Variants in CNTFR observed in about 807,000 individuals in gnomAD.
CNTFR encodes the protein ciliary neurotrophic factor receptor, also known as ciliary neurotrophic factor receptor subunit alpha.
CNTFR carries 12 observed loss-of-function variants against 40.4 expected under a neutral mutation model. The observed-to-expected ratio is 0.30, with a 90% CI of 0.19 to 0.48. CNTFR has a LOEUF of 0.48. Ranked by LOEUF, CNTFR falls within the 20% of genes least tolerant of loss-of-function variation. The pLI, the probability that CNTFR is intolerant of heterozygous loss-of-function variation, is 0.99. For missense variants in CNTFR, 414 were observed against 506.8 expected, an observed-to-expected ratio of 0.82 and a Z score of 1.76; for synonymous variants, 202 against 209.6, an observed-to-expected ratio of 0.96 and a Z score of 0.31.
rs763695419 is a variant in CNTFR at position 34,552,186 on chromosome 9, C to T, written c.1093G>A (p.Ala365Thr). 13 of 1,592,956 alleles carry T rather than the reference C, an allele frequency of 8.2e-6. No homozygotes were observed. Among genetic ancestry groups the T allele is most frequent in the African/African-American group, 8.0e-5 (6 of 74,612 alleles). Reference sequence around the variant, plus strand: ...CAGATCAAGAGACTGCTGGCAGTGGCGGCAGCGGCAGCCAGGGCCAGAGTG... The same window carrying T: ...CAGATCAAGAGACTGCTGGCAGTGGTGGCAGCGGCAGCCAGGGCCAGAGTG... ...PITLALAAAA[A>T]TASSLLI The change falls in exon 9 of 10, where the codon GCC becomes ACC. Residue 365 changes from alanine to threonine, a missense_variant. By Grantham distance (58) the Ala-to-Thr change is moderately conservative. Around this residue, in one of 3 missense-constraint regions of CNTFR, gnomAD observed 81 missense variants for 92.2 expected, o/e 0.88. Coordinates refer to ENST00000378980, the MANE Select transcript of CNTFR (RefSeq NM_147164.3). This position sits in a 1 kb window ranked among gnomAD's most constrained non-coding sequence, Gnocchi z 5.1.
chr9:34,583,303 T>G (rs1410721712), intron 1 of CNTFR, among the ~76,000 whole-genome samples: 1 of 152,250 alleles, frequency 6.6e-6, no homozygotes, highest in African/African-American at 2.4e-5. Context: ...TCAGAACTTT[T>G]CCACTGCATG....
chr9:34,569,053 T>A, intron 2 of CNTFR, 72 bp from the exon 3 acceptor site: 1 of 1,403,616 alleles, frequency 7.1e-7, no homozygotes. Context: ...GAGCCCCTCC[T>A]GTTCTCAGGC....
In CNTFR at chr9:34,556,326, G is replaced by T; in HGVS notation, c.697C>A (p.Pro233Thr). The change falls in exon 7 of 10, where the codon CCT becomes ACT. Residue 233 changes from proline to threonine, a missense_variant. Coordinates refer to ENST00000378980, the MANE Select transcript of CNTFR (RefSeq NM_147164.3). ...EVTWQTPSTW[P>T]DPESFPLKFF... ...TTGAGAGGAAAAGACTCAGGGTCAG[G>T]CCAGGTCGAGGGGGTCTGCCACGTC... 1 of 1,613,970 alleles carries T rather than the reference G, an allele frequency of 6.2e-7. No individual in the cohort carries two copies.
intron 4 of CNTFR, among the ~76,000 whole-genome samples, chr9:34,563,014 T>C (rs2132153940): frequency 6.6e-6 from 1 of 152,082 alleles, no homozygotes; most frequent in South Asian, 2.1e-4. Context: ...CTCCATGATC[T>C]CTCCCTTGGC....
At chr9:34,572,993 C>T (rs72735298) in intron 2 of CNTFR, among the ~76,000 whole-genome samples, 3,594 of 152,330 alleles carry the variant, frequency 0.024, 60 homozygotes, top group Admixed American at 0.032. Flanking sequence ...TACTAGTCCA[C>T]AGCAATACTG....
chr9:34,586,074 G>A (rs1039656213), intron 1 of CNTFR, among the ~76,000 whole-genome samples: 5 of 152,164 alleles, frequency 3.3e-5, no homozygotes, highest in African/African-American at 1.2e-4. Context: ...TCCCTACTGT[G>A]TGGGCTCCCA....
intron 7 of CNTFR, among the ~76,000 whole-genome samples, chr9:34,554,908 C>T (rs1020324952): frequency 1.3e-5 from 2 of 152,256 alleles, no homozygotes; most frequent in South Asian, 4.1e-4. Context: ...GGATGCACTA[C>T]AGGCCACGCA....
chr9:34,589,816 G>A (rs1422241118), upstream of CNTFR: 2 of 141,374 alleles, frequency 1.4e-5, no homozygotes, highest in Admixed American at 7.0e-5. The surrounding 1 kb of genome is among the most constrained non-coding windows in gnomAD (Gnocchi z 4.4). Context: ...ATGTGACCGC[G>A]GGCGCCCGCT....
upstream of CNTFR, chr9:34,589,743 G>C (rs563967259): frequency 2.0e-5 from 3 of 151,302 alleles, no homozygotes; most frequent in South Asian, 1.8e-4. This position sits in a 1 kb window ranked among gnomAD's most constrained non-coding sequence, Gnocchi z 4.4. Flanking sequence ...TTCAGCGCTC[G>C]GCGGCTTTAA....
In CNTFR at chr9:34,589,633, T is replaced by C. The variant is rs1486340643; in HGVS notation, c.-190A>G. The stretch of plus-strand genomic sequence containing the variant: ...GCGAGCGAGGCAGGGAGCGCGGAGC[T>C]AGCACCGCCCGCCGGATCCCACCGC... On this transcript the variant is annotated 5_prime_UTR_variant, in exon 1 of 10. Coordinates refer to ENST00000378980, the MANE Select transcript of CNTFR (RefSeq NM_147164.3). This position sits in a 1 kb window ranked among gnomAD's most constrained non-coding sequence, Gnocchi z 4.4. 1 of 153,496 alleles carries C rather than the reference T, an allele frequency of 6.5e-6. No homozygotes were observed. Among genetic ancestry groups the C allele is most frequent in the Non-Finnish European group, 1.4e-5 (1 of 69,600 alleles). The allele number at this position is 153,496 out of a possible 1,614,324, so 9.5% of individuals were successfully genotyped here.
chr9:34,582,091 T>C lies in CNTFR; in HGVS notation c.-111-886A>G, dbSNP rs149718970. ...GAGTTCCAGACTAGCCTGGGCAACA[T>C]AGTGAAACCCCATCTCTACCAAAAA... On this transcript the variant is annotated intron_variant, in intron 1 of 9. Transcript: ENST00000378980. Among the ~76,000 whole-genome samples, 704 of 152,080 alleles carry C rather than the reference T, an allele frequency of 4.6e-3. 4 individuals are homozygous for C. Among genetic ancestry groups the C allele is most frequent in the African/African-American group, 0.016 (646 of 41,456 alleles).
At position 34,557,107 on chromosome 9, in the gene CNTFR, G is replaced by A. The variant is rs910525325; in HGVS notation, c.604+419C>T. 7.1e-6 allele frequency among the ~76,000 whole-genome samples: 1 copy of A among 141,054 alleles called. No individual in the cohort carries two copies. The highest frequency in any genetic ancestry group is 1.5e-5 in the Non-Finnish European group (1 of 64,664). 92.5% of individuals were successfully genotyped at this position (141,054 alleles called of 152,430 possible). On this transcript the variant is annotated intron_variant, in intron 6 of 9. Transcript: ENST00000378980. The surrounding 1 kb of genome is among the most constrained non-coding windows in gnomAD (Gnocchi z 4.2). The stretch of plus-strand genomic sequence containing the variant: ...AGAGGGTCTGGCTGGGATGGGGGGG[G>A]TCAGGGGGAGGGCAGTATCTGTCCC...
Position 34,568,982 on chromosome 9 carries a change from CTG to C in CNTFR, c.1-3_1-2del. The C allele has an allele frequency of 6.3e-7, 1 of 1,589,994 alleles. No individual in the cohort carries two copies. The highest frequency in any genetic ancestry group is 8.6e-7 in the Non-Finnish European group (1 of 1,168,450). On this transcript the variant is annotated splice_acceptor_variant and splice_polypyrimidine_tract_variant and intron_variant, in intron 2 of 9. Coordinates refer to ENST00000378980, the MANE Select transcript of CNTFR (RefSeq NM_147164.3). LOFTEE classifies it low-confidence loss of function (5UTR_SPLICE). ...AGGCCCACGGGACAGGAGCAGCCATCTGTTGGGAGAAACCGGGGTGGGGGAGG... is the reference window on the plus strand; with the variant it reads ...AGGCCCACGGGACAGGAGCAGCCATCTTGGGAGAAACCGGGGTGGGGGAGG...
At chr9:34,558,483 T>G (rs1192047467) in intron 4 of CNTFR, among the ~76,000 whole-genome samples, 1 of 152,198 alleles carries the variant, frequency 6.6e-6, no homozygotes, top group East Asian at 1.9e-4. Flanking sequence ...GCCTGGTGGC[T>G]ACACAGGAAC....
intron 2 of CNTFR, chr9:34,569,398 G>A (rs960634852): frequency 6.5e-5 from 12 of 183,478 alleles, no homozygotes; most frequent in African/African-American, 1.2e-4. Flanking sequence ...TAATGCCAGG[G>A]CCATTTTTCT....
intron 1 of CNTFR, among the ~76,000 whole-genome samples, chr9:34,586,836 C>T (rs1242361498): frequency 1.3e-5 from 2 of 152,212 alleles, no homozygotes; most frequent in African/African-American, 4.8e-5. Flanking sequence ...TGTGTCCTCT[C>T]TCCTCCTCAC....
intron 2 of CNTFR, among the ~76,000 whole-genome samples, chr9:34,572,817 C>T (rs1571401): frequency 0.13 from 19,469 of 152,236 alleles, 1,373 homozygotes; most frequent in East Asian, 0.3. Context: ...TACATTGACA[C>T]CAACAAACGG....
At position 34,551,735 on chromosome 9, in the gene CNTFR, G is replaced by C. The variant is rs868814372; in HGVS notation, c.*336C>G. 1.3e-5 allele frequency: 7 copies of C among 522,266 alleles called. No individual in the cohort carries two copies. The highest frequency in any genetic ancestry group is 8.3e-5 in the South Asian group (4 of 48,274). The allele number at this position is 522,266 out of a possible 1,614,324, so 32.4% of individuals were successfully genotyped here. A position where few individuals can be genotyped will look rare whatever the true frequency, so the allele number is the denominator to read the frequency against. On this transcript the variant is annotated 3_prime_UTR_variant, in exon 10 of 10. Coordinates refer to ENST00000378980, the MANE Select transcript of CNTFR (RefSeq NM_147164.3). The stretch of plus-strand genomic sequence containing the variant: ...TAGACAGGAGGCTGGGGCAGGAGGA[G>C]AAATCGGATGTGAGAGGCTCCCCTC...
In CNTFR at chr9:34,564,743, C is replaced by T; in HGVS notation, c.175G>A (p.Val59Ile). ...ANWDAAVTWR[V>I]NGTDLAPDLL... is the part of the protein sequence containing the mutation. ...TCAGGGGCCAGGTCTGTCCCATTTA[C>T]CCGCCACGTCACCGCAGCATCCCAG... Residue 59 changes from valine (V) to isoleucine (I), a missense_variant, in exon 4 of 10, where the codon GTA (valine) becomes ATA (isoleucine). Physicochemically the swap from Val to Ile is conservative, Grantham distance 29 (BLOSUM62 3). Transcript: ENST00000378980. The T allele has an allele frequency of 1.9e-6, 3 of 1,614,128 alleles. No homozygotes were observed. Among genetic ancestry groups the T allele is most frequent in the Non-Finnish European group, 2.5e-6 (3 of 1,180,008 alleles).
Sources: allele counts gnomAD v4.1 joint callset (sites outside exome capture counted in the v4.1 genomes callset), GRCh38; gene constraint gnomAD v4.1.1; regional missense constraint gnomAD v4.1.1; non-coding constraint Gnocchi (gnomAD v3.1); transcripts MANE v1.5; gene names NCBI Gene and HGNC (gene_info 2026-07-23, HGNC 2026-07-21).